Variants in SAMSN1 observed in about 807,000 individuals in gnomAD.
SAMSN1 encodes SAM domain-containing protein SAMSN-1.
In SAMSN1, 31 loss-of-function variants were observed where a neutral mutation model predicts 42.0. That is an observed-to-expected ratio of 0.74 (90% confidence interval 0.55 to 1.00). The LOEUF is 1.00. Among genes scored for constraint, SAMSN1 ranks in the 50% least tolerant of loss-of-function variants. The pLI, the probability that SAMSN1 is intolerant of heterozygous loss-of-function variation, is 0.00. For missense variants in SAMSN1, 464 were observed against 439.4 expected, an observed-to-expected ratio of 1.06 and a Z score of -0.50; for synonymous variants, 178 against 151.9, an observed-to-expected ratio of 1.17 and a Z score of -1.26.
upstream of SAMSN1, among the ~76,000 whole-genome samples, chr21:14,551,134 T>C (rs1204402021): frequency 6.6e-6 from 1 of 152,090 alleles, no homozygotes; most frequent in African/African-American, 2.4e-5. Flanking sequence ...CTCAAAATAC[T>C]ATGTTTCTGA....
At chr21:14,615,823 T>C (rs1428559358) in intron 3 of SAMSN1, among the ~76,000 whole-genome samples, 5 of 106,788 alleles carry the variant, frequency 4.7e-5, no homozygotes, top group Non-Finnish European at 8.8e-5. Context: ...AGAGAAATGA[T>C]AGCAAAGCAA....
chr21:14,604,992 T>C (rs1354282299), intron 5 of SAMSN1, among the ~76,000 whole-genome samples: 1 of 152,204 alleles, frequency 6.6e-6, no homozygotes, highest in Non-Finnish European at 1.5e-5. Flanking sequence ...CCACAATAGA[T>C]TATCAGAACA....
At chr21:14,622,332 G>A (rs1983035806) in intron 2 of SAMSN1, among the ~76,000 whole-genome samples, 1 of 152,218 alleles carries the variant, frequency 6.6e-6, no homozygotes, top group Non-Finnish European at 1.5e-5. Context: ...CCGAGCTAAA[G>A]GAAGAAGTTT....
At chr21:14,500,802 T>C (rs779908239) in intron 5 of SAMSN1, 67 bp from the exon 6 acceptor site, 32 of 1,196,046 alleles carry the variant, frequency 2.7e-5, no homozygotes, top group Non-Finnish European at 3.8e-5. Context: ...AATGAAATCA[T>C]AGAAAACTAG....
chr21:14,492,679 G>A (rs1986743392), intron 7 of SAMSN1, among the ~76,000 whole-genome samples: 1 of 152,166 alleles, frequency 6.6e-6, no homozygotes, highest in South Asian at 2.1e-4. Flanking sequence ...AAATTTTCTG[G>A]TAGAAAAGTG....
chr21:14,601,070 G>A (rs149192058), intron 6 of SAMSN1, among the ~76,000 whole-genome samples: 6 of 152,314 alleles, frequency 3.9e-5, no homozygotes, highest in African/African-American at 1.4e-4. Flanking sequence ...GGCAGAGAGA[G>A]TCTAAGTAAA....
chr21:14,581,286 G>C (rs1224392498), intron 2 of SAMSN1, among the ~76,000 whole-genome samples: 1 of 127,912 alleles, frequency 7.8e-6, no homozygotes, highest in Non-Finnish European at 1.6e-5. Context: ...CTTTGCACCT[G>C]TTACCAACTT....
At chr21:14,656,586 A>G (rs1485413938) in intron 1 of SAMSN1, among the ~76,000 whole-genome samples, 1 of 151,824 alleles carries the variant, frequency 6.6e-6, no homozygotes, top group African/African-American at 2.4e-5. Context: ...AAAATTGTGG[A>G]GTCAGAGTGG....
rs77819144 is a variant in SAMSN1, at chr21:14,571,121, A to G, written c.261+11015T>C. Among the ~76,000 whole-genome samples the G allele has an allele frequency of 2.7e-3, 416 of 152,328 alleles. 3 individuals carry two copies. Among genetic ancestry groups the G allele is most frequent in the East Asian group, 0.023 (120 of 5,190 alleles). On this transcript the variant is annotated intron_variant, in intron 2 of 8. Coordinates refer to the SAMSN1 transcript ENST00000285670. ...ATTGGCCTTCACAGAACCATGTAAC[A>G]ATCATAGCTCTTATCAAAGCTGGCA...
intron 2 of SAMSN1, among the ~76,000 whole-genome samples, chr21:14,617,961 A>C (rs1381119854): frequency 1.3e-5 from 2 of 152,264 alleles, no homozygotes; most frequent in African/African-American, 2.4e-5. Flanking sequence ...AAGCTTAAAC[A>C]CTTGTAACAG....
intron 1 of SAMSN1, among the ~76,000 whole-genome samples, chr21:14,528,689 C>G (rs527521282): frequency 6.6e-6 from 1 of 152,180 alleles, no homozygotes; most frequent in East Asian, 1.9e-4. Flanking sequence ...GTATTTTTTT[C>G]ATTACTTTTA....
At chr21:14,500,938 C>T (rs893641449) in intron 5 of SAMSN1, among the ~76,000 whole-genome samples, 9 of 152,114 alleles carry the variant, frequency 5.9e-5, no homozygotes, top group African/African-American at 2.2e-4. Flanking sequence ...CTTTGGGAGG[C>T]CAAGGCGGGA....
intron 1 of SAMSN1, among the ~76,000 whole-genome samples, chr21:14,531,210 C>T (rs2123091377): frequency 6.6e-6 from 1 of 152,158 alleles, no homozygotes; most frequent in Non-Finnish European, 1.5e-5. Context: ...ATAGACCTTA[C>T]TACATTAACC....
chr21:14,502,890 T>C (rs889282761), intron 5 of SAMSN1, among the ~76,000 whole-genome samples: 1 of 152,192 alleles, frequency 6.6e-6, no homozygotes, highest in East Asian at 1.9e-4. Flanking sequence ...AAATACTCCA[T>C]AATATATCAT....
intron 2 of SAMSN1, among the ~76,000 whole-genome samples, chr21:14,579,205 T>C (rs1981615717): frequency 6.6e-6 from 1 of 152,220 alleles, no homozygotes; most frequent in Non-Finnish European, 1.5e-5. Flanking sequence ...AACTCTAACA[T>C]GCTCTTGAAC....
intron 7 of SAMSN1, among the ~76,000 whole-genome samples, chr21:14,487,897 C>G (rs910242158): frequency 6.6e-6 from 1 of 152,036 alleles, no homozygotes; most frequent in African/African-American, 2.4e-5. Context: ...ACCATGGAAG[C>G]ATTTTGTGTG....
At chr21:14,652,730 C>A (rs984706101) in intron 1 of SAMSN1, among the ~76,000 whole-genome samples, 2 of 151,904 alleles carry the variant, frequency 1.3e-5, no homozygotes, top group African/African-American at 4.8e-5. Context: ...AAGATATAAT[C>A]AACAAAGTGA....
upstream of SAMSN1, chr21:14,583,554 A>T (rs1012750814): frequency 3.3e-5 from 20 of 609,894 alleles, no homozygotes; most frequent in Non-Finnish European, 5.6e-5. Flanking sequence ...ATGTTTAATG[A>T]TTATCTTAAG....
In SAMSN1 at chr21:14,516,900, C is replaced by A; in HGVS notation, c.271G>T (p.Glu91Ter). ...VGKKYIKALSEEKDEEDGENA... is the reference protein window; with the variant it reads ...VGKKYIKALS ...TATCAGAGAATATTTACCTTTTCCT[C>A]AGAAAGGGCTTTGATGTACTTTTTA... is the stretch of plus-strand genomic sequence containing the variant. Residue 91 changes from glutamate to a stop codon, truncating the protein, a stop_gained, in exon 3 of 8, where the codon GAG becomes TAG. Transcript: ENST00000400566. LOFTEE classifies it high-confidence loss of function. 1 of 1,600,992 alleles carries A rather than the reference C, an allele frequency of 6.2e-7. No individual in the cohort carries two copies. Among genetic ancestry groups the A allele is most frequent in the Non-Finnish European group, 8.5e-7 (1 of 1,176,056 alleles).
Sources: gnomAD v4.1 joint callset for allele counts (sites outside exome capture counted in the v4.1 genomes callset) on GRCh38, gnomAD v4.1.1 for gene constraint, MANE v1.5 for transcripts, NCBI Gene and HGNC (gene_info 2026-07-23, HGNC 2026-07-21) for gene names.